PTPRD: variants seen among roughly 807,000 people sequenced by gnomAD.
The protein encoded by PTPRD is receptor-type tyrosine-protein phosphatase delta.
Under a neutral mutation model 214.5 loss-of-function variants are expected in PTPRD, and 34 were observed. The ratio of observed to expected loss-of-function variants is 0.16; its 90% CI spans 0.12 to 0.21. The LOEUF is 0.21. Among genes scored for constraint, PTPRD ranks in the 10% least tolerant of loss-of-function variants. PTPRD has a pLI of 1.00. For missense variants in PTPRD, 2,545 were observed against 2,398.7 expected (o/e 1.06, Z -1.27); for synonymous variants, 1,128 against 845.7 (o/e 1.33, Z -5.79).
In PTPRD at chr9:10,016,673, GT is replaced by G. The variant is rs371944242; in HGVS notation, c.-472+17044del. 5.5e-4 allele frequency among the ~76,000 whole-genome samples: 82 copies of G among 148,308 alleles called. No individual in the cohort carries two copies. The South Asian group carries it at 0.015, about 27-fold the overall frequency. Reference sequence around the variant, plus strand: ...CTACTGAAAATGCCTCCTGTGGGTTGTTTTTTTTTTCCACAGAATTTTGTTC... The same window carrying G: ...CTACTGAAAATGCCTCCTGTGGGTTGTTTTTTTTTCCACAGAATTTTGTTC... On this transcript the variant is annotated intron_variant, in intron 4 of 45. Coordinates refer to ENST00000381196, the MANE Select transcript of PTPRD (RefSeq NM_002839.4).
intron 8 of PTPRD, among the ~76,000 whole-genome samples, chr9:9,423,863 G>GA (rs1337125444): frequency 6.6e-6 from 1 of 152,046 alleles, no homozygotes; most frequent in African/African-American, 2.4e-5. Context: ...AAATAATGCA[G>GA]AAAAAAATAC....
At chr9:9,090,273 C>A (rs2099773680) in intron 10 of PTPRD, among the ~76,000 whole-genome samples, 1 of 152,070 alleles carries the variant, frequency 6.6e-6, no homozygotes, top group South Asian at 2.1e-4. Flanking sequence ...ATAAGGTACA[C>A]TTTTTTAGCC....
intron 9 of PTPRD, among the ~76,000 whole-genome samples, chr9:9,326,329 A>G (rs1049002568): frequency 2.6e-5 from 4 of 152,158 alleles, no homozygotes; most frequent in Non-Finnish European, 4.4e-5. Flanking sequence ...GAAATTACCT[A>G]TGGATTGAGA....
chr9:9,267,126 T>C (rs548144706), intron 9 of PTPRD, among the ~76,000 whole-genome samples: 1 of 151,420 alleles, frequency 6.6e-6, no homozygotes, highest in South Asian at 2.1e-4. Flanking sequence ...GCATTATATG[T>C]ATTGAAACAT....
chr9:9,223,011 A>C (rs2099957163), intron 9 of PTPRD, among the ~76,000 whole-genome samples: 1 of 152,062 alleles, frequency 6.6e-6, no homozygotes, highest in Non-Finnish European at 1.5e-5. Context: ...TCTTACTGTA[A>C]CTATATTTTT....
At chr9:8,809,864 A>T (rs776611067) in intron 11 of PTPRD, among the ~76,000 whole-genome samples, 4 of 152,202 alleles carry the variant, frequency 2.6e-5, no homozygotes, top group Non-Finnish European at 2.9e-5. Context: ...TTCACCAGGA[A>T]TATCAAGGTC....
At chr9:8,916,007 C>G (rs931234505) in intron 11 of PTPRD, among the ~76,000 whole-genome samples, 1 of 152,126 alleles carries the variant, frequency 6.6e-6, no homozygotes, top group Non-Finnish European at 1.5e-5. Flanking sequence ...ATGTGAACAA[C>G]TTGATAGCTG....
chr9:10,410,251 G>GTATATA (rs1445817310), intron 2 of PTPRD, among the ~76,000 whole-genome samples: 1 of 31,526 alleles, frequency 3.2e-5, no homozygotes, highest in South Asian at 7.9e-4. Context: ...GACATATTTT[G>GTATATA]TGTATATATA....
chr9:9,680,906 C>T (rs2097055045), intron 7 of PTPRD, among the ~76,000 whole-genome samples: 1 of 151,734 alleles, frequency 6.6e-6, no homozygotes, highest in Non-Finnish European at 1.5e-5. Context: ...TTGTGGTACC[C>T]TCTCTTGTTT....
At chr9:9,509,043 A>C (rs967084962) in intron 8 of PTPRD, among the ~76,000 whole-genome samples, 1 of 151,562 alleles carries the variant, frequency 6.6e-6, no homozygotes, top group Admixed American at 6.6e-5. Context: ...CCAAGAAAAA[A>C]AAATCTTATA....
At chr9:8,789,722 A>T (rs1246653342) in intron 11 of PTPRD, among the ~76,000 whole-genome samples, 1 of 152,206 alleles carries the variant, frequency 6.6e-6, no homozygotes, top group African/African-American at 2.4e-5. Flanking sequence ...TTTAAAAAAA[A>T]CCAGAATAGC....
intron 4 of PTPRD, among the ~76,000 whole-genome samples, chr9:9,945,593 T>A (rs1027616003): frequency 2.0e-5 from 3 of 152,174 alleles, no homozygotes; most frequent in African/African-American, 7.2e-5. Context: ...AATTGCACAT[T>A]GCACATGCAA....
intron 7 of PTPRD, among the ~76,000 whole-genome samples, chr9:9,711,833 A>C (rs1461012754): frequency 1.3e-5 from 2 of 152,304 alleles, no homozygotes; most frequent in African/African-American, 4.8e-5. Context: ...AGCTGGATTC[A>C]CACAGCCTCA....
chr9:8,767,879 C>G (rs1308108499), intron 11 of PTPRD, among the ~76,000 whole-genome samples: 1 of 152,060 alleles, frequency 6.6e-6, no homozygotes, highest in Non-Finnish European at 1.5e-5. Flanking sequence ...AAAAGACCCA[C>G]TGCTGTGTAT....
chr9:9,957,620 T>C (rs1003247984), intron 4 of PTPRD, among the ~76,000 whole-genome samples: 2 of 151,992 alleles, frequency 1.3e-5, no homozygotes, highest in African/African-American at 4.8e-5. Context: ...AACAAAAACC[T>C]GTAGGGAAAT....
intron 27 of PTPRD, among the ~76,000 whole-genome samples, chr9:8,487,491 A>C (rs1277032966): frequency 6.6e-6 from 1 of 152,124 alleles, no homozygotes; most frequent in African/African-American, 2.4e-5. Context: ...GCACTTTGGG[A>C]GCTGAGGTGG....
chr9:8,953,096 CT>C (rs1357372876), intron 11 of PTPRD, among the ~76,000 whole-genome samples: 1 of 151,280 alleles, frequency 6.6e-6, no homozygotes, highest in East Asian at 1.9e-4. Flanking sequence ...AAAATATATG[CT>C]TTTGGTTACT....
At chr9:8,539,689 T>A (rs948939407) in intron 14 of PTPRD, among the ~76,000 whole-genome samples, 1 of 151,970 alleles carries the variant, frequency 6.6e-6, no homozygotes, top group South Asian at 2.1e-4. Context: ...AACCTAAATA[T>A]GACCACCAGT....
chr9:9,908,270 G>C (rs558824830), intron 5 of PTPRD, among the ~76,000 whole-genome samples: 2 of 152,056 alleles, frequency 1.3e-5, no homozygotes, highest in South Asian at 4.1e-4. Context: ...AGTGATTGCT[G>C]TATCATCTGA....
Sources: allele counts gnomAD v4.1 joint callset (sites outside exome capture counted in the v4.1 genomes callset), GRCh38; gene constraint gnomAD v4.1.1; transcripts MANE v1.5; gene names NCBI Gene and HGNC (gene_info 2026-07-23, HGNC 2026-07-21).